The following RFC3 variants were observed in gnomAD, a reference collection of about 807,000 sequenced individuals.
RFC3 encodes the protein A1 38 kDa subunit.
In RFC3, 41 loss-of-function variants were observed where a neutral mutation model predicts 45.1. The observed-to-expected ratio is 0.91, with a 90% confidence interval of 0.71 to 1.18. RFC3 has a LOEUF of 1.18. Among genes scored for constraint, RFC3 ranks in the 50% most tolerant of loss-of-function variants. The pLI is 0.00. For synonymous variants in RFC3, 149 were observed against 144.0 expected (o/e 1.03, Z -0.25); for missense variants, 423 against 428.1 (o/e 0.99, Z 0.10).
chr13:33,825,933 GCTCT>G, intron 4 of RFC3, 47 bp downstream of exon 4: 1 of 1,207,618 alleles, frequency 8.3e-7, no homozygotes, highest in Non-Finnish European at 1.2e-6. Flanking sequence ...AAGCATTAGT[GCTCT>G]CTCTTTTTTT....
rs547107391 is a variant in RFC3, at chr13:33,936,726, C to T, written c.880-29361C>T. 4.6e-5 allele frequency among the ~76,000 whole-genome samples: 7 copies of T among 152,204 alleles called. No individual in the cohort carries two copies. In the South Asian group the frequency reaches 8.3e-4, roughly 18 times the overall value. ...AGTCCTTAAAAGGAAGCAATCCTGC[C>T]GACATCTTGATCTCGGACTTCCTTC... is the stretch of plus-strand genomic sequence containing the variant. On this transcript the variant is annotated intron_variant, in intron 8 of 8. Transcript: ENST00000434425.
chr13:33,855,916 G>A (rs2082306354), intron 8 of RFC3, among the ~76,000 whole-genome samples: 1 of 152,132 alleles, frequency 6.6e-6, no homozygotes, highest in African/African-American at 2.4e-5. Flanking sequence ...CATTCTCTAG[G>A]TTATCTGTTT....
chr13:33,929,788 A>G (rs1188413128), intron 8 of RFC3, among the ~76,000 whole-genome samples: 1 of 152,046 alleles, frequency 6.6e-6, no homozygotes, highest in African/African-American at 2.4e-5. Flanking sequence ...TATTATTATA[A>G]TTTGACAATT....
At chr13:33,918,761 A>G (rs1417500363) in intron 8 of RFC3, among the ~76,000 whole-genome samples, 1 of 152,142 alleles carries the variant, frequency 6.6e-6, no homozygotes, top group African/African-American at 2.4e-5. Context: ...CTGTGACTTC[A>G]TGCTGACTCA....
At chr13:33,844,159 C>CA (rs1274579832) in intron 8 of RFC3, among the ~76,000 whole-genome samples, 6 of 152,178 alleles carry the variant, frequency 3.9e-5, no homozygotes, top group African/African-American at 1.4e-4. Context: ...AATTAGGGTT[C>CA]AAGCTCTCTT....
chr13:33,968,494 C>T (rs147914183), downstream of RFC3, among the ~76,000 whole-genome samples: 199 of 152,280 alleles, frequency 1.3e-3, 3 homozygotes, highest in South Asian at 0.021. Context: ...AAATGATCAA[C>T]GAGTAAGTTC....
chr13:33,949,914 A>G (rs556988026), intron 8 of RFC3, among the ~76,000 whole-genome samples: 4 of 152,274 alleles, frequency 2.6e-5, no homozygotes, highest in South Asian at 2.1e-4. Flanking sequence ...AACTCAAGCT[A>G]AAATATTGGC....
downstream of RFC3, among the ~76,000 whole-genome samples, chr13:33,840,092 G>A (rs946594787): frequency 4.6e-5 from 7 of 152,118 alleles, no homozygotes; most frequent in African/African-American, 1.7e-4. Flanking sequence ...GGTGCGATTT[G>A]TGTGTGTGTT....
At chr13:33,966,232 C>G (rs1353083416) in exon 9 of RFC3, 5 of 835,398 alleles carry the variant, frequency 6.0e-6, no homozygotes, top group Middle Eastern at 2.2e-4. Context: ...ACACCTGCTT[C>G]AGAGCTCAAG....
At chr13:33,872,800 C>T (rs1566011004) in intron 8 of RFC3, among the ~76,000 whole-genome samples, 1 of 140,804 alleles carries the variant, frequency 7.1e-6, no homozygotes, top group African/African-American at 2.6e-5. Flanking sequence ...AAACCCCCCC[C>T]CCCAAAATAC....
chr13:33,856,518 T>C (rs1429173159), intron 8 of RFC3, among the ~76,000 whole-genome samples: 2 of 152,174 alleles, frequency 1.3e-5, no homozygotes, highest in African/African-American at 4.8e-5. Context: ...GGAAATGTAA[T>C]TGTAAATGGT....
intron 8 of RFC3, among the ~76,000 whole-genome samples, chr13:33,958,668 G>A (rs1477212141): frequency 2.6e-5 from 4 of 152,194 alleles, no homozygotes; most frequent in African/African-American, 9.7e-5. Context: ...TTTCAGGTAA[G>A]GCTTGATGTG....
chr13:33,924,165 C>T (rs2082787150), intron 8 of RFC3, among the ~76,000 whole-genome samples: 1 of 152,046 alleles, frequency 6.6e-6, no homozygotes, highest in African/African-American at 2.4e-5. Context: ...CTCTGAAAAC[C>T]AGATAATTGA....
chr13:33,872,104 C>T (rs956079133), intron 8 of RFC3, among the ~76,000 whole-genome samples: 3 of 152,042 alleles, frequency 2.0e-5, no homozygotes, highest in African/African-American at 7.2e-5. Flanking sequence ...TGCCTAATAT[C>T]TACTTGTTTG....
intron 8 of RFC3, chr13:33,848,099 C>T (rs1187253018): frequency 2.0e-5 from 3 of 152,210 alleles, no homozygotes; most frequent in Non-Finnish European, 4.4e-5. Flanking sequence ...CTGAATTTCA[C>T]ACTTATGCAT....
At chr13:33,960,298 C>T (rs1056760089) in intron 8 of RFC3, among the ~76,000 whole-genome samples, 8 of 152,090 alleles carry the variant, frequency 5.3e-5, no homozygotes, top group Admixed American at 3.3e-4. Flanking sequence ...GTCTTCAGGC[C>T]GGTCTCTGAA....
exon 9 of RFC3, chr13:33,966,356 C>T (rs1195361179): frequency 6.8e-6 from 4 of 586,818 alleles, no homozygotes; most frequent in African/African-American, 5.6e-5. Flanking sequence ...TCCTTCAAAA[C>T]ACTCATCTCC....
At chr13:33,881,684 C>G (rs1268215545) in intron 8 of RFC3, among the ~76,000 whole-genome samples, 1 of 152,186 alleles carries the variant, frequency 6.6e-6, no homozygotes, top group East Asian at 1.9e-4. Flanking sequence ...CCTACACCCT[C>G]TCGTTCCCTC....
At chr13:33,944,409 C>T (rs1020940356) in intron 8 of RFC3, among the ~76,000 whole-genome samples, 1 of 152,144 alleles carries the variant, frequency 6.6e-6, no homozygotes, top group Non-Finnish European at 1.5e-5. Context: ...TGAGTGATGA[C>T]GATGAGTGTG....
Sources: gnomAD v4.1 joint callset for allele counts (sites outside exome capture counted in the v4.1 genomes callset) on GRCh38, gnomAD v4.1.1 for gene constraint, MANE v1.5 for transcripts, NCBI Gene and HGNC (gene_info 2026-07-23, HGNC 2026-07-21) for gene names.